The following ZDHHC2 variants were observed in gnomAD, a reference collection of about 807,000 sequenced individuals.
ZDHHC2 encodes the protein palmitoyltransferase ZDHHC2.
In ZDHHC2, 51 loss-of-function variants were observed where a neutral mutation model predicts 55.6. The observed-to-expected ratio is 0.92, with a 90% CI of 0.73 to 1.16. The LOEUF (loss-of-function observed/expected upper bound fraction) is 1.16. Ranked by LOEUF, ZDHHC2 falls within the 50% of genes most tolerant of loss-of-function variation. The pLI is 0.00. For missense variants in ZDHHC2, 491 were observed against 442.4 expected (o/e 1.11, Z -0.99); for synonymous variants, 199 against 152.9 (o/e 1.30, Z -2.22).
At position 17,200,598 on chromosome 8, in the gene ZDHHC2, C is replaced by A. The variant is rs142516612; in HGVS notation, c.476+2185C>A. Among the ~76,000 whole-genome samples, 5 of 152,202 alleles carry A rather than the reference C, an allele frequency of 3.3e-5. No individual in the cohort carries two copies. The East Asian group carries it at 9.7e-4, about 29-fold the overall frequency. On this transcript the variant is annotated intron_variant, in intron 6 of 12. Transcript: ENST00000262096. ...TACATACCTATAAAGCTTCCCATGCCCTTGCTGTACTCACAAAATTACAAA... is the reference window on the plus strand; with the variant it reads ...TACATACCTATAAAGCTTCCCATGCACTTGCTGTACTCACAAAATTACAAA...
At chr8:17,198,482 A>G (rs958017987) in intron 6 of ZDHHC2, 69 bp downstream of exon 6, 2 of 1,429,242 alleles carry the variant, frequency 1.4e-6, no homozygotes, top group Non-Finnish European at 1.9e-6. Flanking sequence ...TCACTTATCC[A>G]TGTAAATCTT....
At chr8:17,182,089 G>C (rs1319335959) in intron 1 of ZDHHC2, among the ~76,000 whole-genome samples, 1 of 152,108 alleles carries the variant, frequency 6.6e-6, no homozygotes, top group African/African-American at 2.4e-5. Context: ...GCAAAACCTT[G>C]CATAGTCCAT....
At position 17,208,080 on chromosome 8, in the gene ZDHHC2, A is replaced by T; in HGVS notation, c.718A>T (p.Lys240Ter). Residue 240 changes from lysine (K) to a stop codon, truncating the protein, a stop_gained, in exon 8 of 13, where the codon AAA becomes TAA. Transcript: ENST00000262096. LOFTEE classifies it high-confidence loss of function. ...GYHCWLVSKNKSTLEAFRSPV... is the reference protein window; with the variant it reads ...GYHCWLVSKN Reference sequence around the variant, plus strand: ...TCATTGTTGGCTAGTCAGCAAAAATAAATCTACATTAGGTGAGTATCCAAT... The same window carrying T: ...TCATTGTTGGCTAGTCAGCAAAAATTAATCTACATTAGGTGAGTATCCAAT... 6.4e-7 allele frequency: 1 copy of T among 1,573,410 alleles called. No individual in the cohort carries two copies. Among genetic ancestry groups the T allele is most frequent in the Non-Finnish European group, 8.6e-7 (1 of 1,157,724 alleles).
rs114663292 is a variant in ZDHHC2, at chr8:17,181,162, G to A, written c.131-3627G>A. On this transcript the variant is annotated intron_variant, in intron 1 of 12. Transcript: ENST00000262096. ...TTTTTCATGCCCACAAAAGAAAAATGAATACTTCTCATATGTCCGCTTTGA... is the reference window on the plus strand; with the variant it reads ...TTTTTCATGCCCACAAAAGAAAAATAAATACTTCTCATATGTCCGCTTTGA... Among the ~76,000 whole-genome samples the A allele has an allele frequency of 5.1e-3, 782 of 152,226 alleles. 9 individuals are homozygous for A. Among genetic ancestry groups the A allele is most frequent in the African/African-American group, 0.017 (709 of 41,542 alleles).
At chr8:17,208,196 A>G (rs962057351) in intron 8 of ZDHHC2, 104 bp downstream of exon 8, 1 of 1,184,700 alleles carries the variant, frequency 8.4e-7, no homozygotes, top group African/African-American at 1.6e-5. Context: ...AAGTGGTGGG[A>G]AAAGTCATTC....
intron 3 of ZDHHC2, among the ~76,000 whole-genome samples, chr8:17,189,915 G>A (rs1481646901): frequency 1.3e-5 from 2 of 152,058 alleles, no homozygotes; most frequent in Admixed American, 6.5e-5. Flanking sequence ...AACAATTAAG[G>A]TATCTAGTGC....
intron 3 of ZDHHC2, among the ~76,000 whole-genome samples, chr8:17,193,389 A>G (rs912352323): frequency 1.3e-5 from 2 of 152,188 alleles, no homozygotes; most frequent in African/African-American, 4.8e-5. Flanking sequence ...AAACAAACAG[A>G]GCCTCTCTCT....
chr8:17,196,899 A>G (rs1278900711), intron 4 of ZDHHC2, among the ~76,000 whole-genome samples: 2 of 151,138 alleles, frequency 1.3e-5, no homozygotes, highest in East Asian at 2.0e-4. Flanking sequence ...TGACAGTGAG[A>G]TTTCGTCTCA....
intron 3 of ZDHHC2, among the ~76,000 whole-genome samples, chr8:17,190,796 C>T (rs1805984102): frequency 6.6e-6 from 1 of 151,822 alleles, no homozygotes; most frequent in Non-Finnish European, 1.5e-5. Flanking sequence ...GTGTAATAAT[C>T]ACATCAGCGT....
At position 17,209,920 on chromosome 8, in the gene ZDHHC2, A is replaced by G. The variant is rs376056244; in HGVS notation, c.731-12A>G. On this transcript the variant is annotated splice_polypyrimidine_tract_variant and intron_variant, in intron 8 of 12. Transcript: ENST00000262096. ...TCTTTACTCATGTGATTCCTTTACC[A>G]TCTTTTTTTAGAGGCATTCAGAAGT... 1.9e-5 allele frequency: 30 copies of G among 1,602,892 alleles called. No individual in the cohort carries two copies. The African/African-American group carries it at 3.1e-4, about 17-fold the overall frequency.
intron 1 of ZDHHC2, among the ~76,000 whole-genome samples, chr8:17,163,522 A>T (rs1563431713): frequency 6.6e-6 from 1 of 152,126 alleles, no homozygotes; most frequent in East Asian, 1.9e-4. Context: ...TTTATGTTTT[A>T]TCTTGATGGA....
chr8:17,174,096 C>CTT (rs759114642), intron 1 of ZDHHC2, among the ~76,000 whole-genome samples: 1 of 141,922 alleles, frequency 7.0e-6, no homozygotes. Context: ...TCTTCTTCTT[C>CTT]TTTTTTTTTT....
intron 1 of ZDHHC2, among the ~76,000 whole-genome samples, chr8:17,183,120 G>A (rs1238915004): frequency 6.6e-6 from 1 of 152,116 alleles, no homozygotes; most frequent in Non-Finnish European, 1.5e-5. Context: ...CTCTCCACTC[G>A]AGTCAGTGGA....
At chr8:17,196,099 A>T (rs1005604369) in intron 4 of ZDHHC2, among the ~76,000 whole-genome samples, 11 of 152,170 alleles carry the variant, frequency 7.2e-5, no homozygotes, top group Non-Finnish European at 1.3e-4. Context: ...TATCTTTAAA[A>T]TTTTCTTACA....
In ZDHHC2 at chr8:17,156,785, T is replaced by G; in HGVS notation, c.62T>G (p.Ile21Ser). The G allele has an allele frequency of 6.6e-7, 1 of 1,520,326 alleles. No individual in the cohort carries two copies. Among genetic ancestry groups the G allele is most frequent in the Non-Finnish European group, 8.8e-7 (1 of 1,132,868 alleles). 94.2% of individuals were successfully genotyped at this position (1,520,326 alleles called of 1,614,324 possible). A position where few individuals can be genotyped will look rare whatever the true frequency, so the allele number is the denominator to read the frequency against. ...RRRCRRVLYW[I>S]PVVFITLLLG... ...CGGTGCCGGCGGGTGCTGTACTGGA[T>G]CCCGGTGGTGTTCATCACCCTCCTG... Residue 21 changes from isoleucine to serine, a missense_variant, in exon 1 of 13, where the codon ATC becomes AGC. Ile to Ser is a moderately radical substitution (Grantham distance 142). Coordinates refer to ENST00000262096, the MANE Select transcript of ZDHHC2 (RefSeq NM_016353.5).
chr8:17,166,106 C>T (rs1804586230), intron 1 of ZDHHC2, among the ~76,000 whole-genome samples: 1 of 152,190 alleles, frequency 6.6e-6, no homozygotes, highest in South Asian at 2.1e-4. Flanking sequence ...TGAGAATCCA[C>T]TGCAGGGTGT....
intron 10 of ZDHHC2, among the ~76,000 whole-genome samples, chr8:17,214,727 A>G (rs2150949260): frequency 6.6e-6 from 1 of 152,148 alleles, no homozygotes; most frequent in Non-Finnish European, 1.5e-5. Context: ...TGGGCAACAT[A>G]GAGAGTCCAC....
At chr8:17,173,403 C>A (rs562179240) in intron 1 of ZDHHC2, among the ~76,000 whole-genome samples, 1 of 151,984 alleles carries the variant, frequency 6.6e-6, no homozygotes, top group South Asian at 2.1e-4. Context: ...AGGCCGGGTG[C>A]GGTGGCTCAT....
chr8:17,214,112 T>TA (rs1485336481), intron 10 of ZDHHC2, among the ~76,000 whole-genome samples: 30 of 152,312 alleles, frequency 2.0e-4, no homozygotes, highest in African/African-American at 7.0e-4. Flanking sequence ...TGAATACTGT[T>TA]ACAATTACTA....
Sources: gnomAD v4.1 joint callset for allele counts (sites outside exome capture counted in the v4.1 genomes callset) on GRCh38, gnomAD v4.1.1 for gene constraint, MANE v1.5 for transcripts, NCBI Gene and HGNC (gene_info 2026-07-23, HGNC 2026-07-21) for gene names.